FCHSD1: variants seen among roughly 807,000 people sequenced by gnomAD.
FCHSD1 encodes FCH and double SH3 domains 1, also known as F-BAR and double SH3 domains protein 1.
A neutral mutation model predicts 101.3 loss-of-function variants in FCHSD1; 109 were observed. The ratio of observed to expected loss-of-function variants is 1.08; its 90% CI spans 0.92 to 1.26. The LOEUF is 1.26. FCHSD1 is among the 50% of genes most tolerant of loss of function. The probability of loss-of-function intolerance (pLI) is 0.00; values close to 1 mark genes in which losing one functional copy is unlikely to be tolerated. For missense variants in FCHSD1, 820 were observed against 895.8 expected (o/e 0.92, Z 1.08); for synonymous variants, 291 against 356.8 (o/e 0.82, Z 2.08).
Position 141,647,423 on chromosome 5 carries a change from TG to T in FCHSD1, c.802del (p.His268ThrfsTer10). 1 of 1,603,330 alleles carries T rather than the reference TG, an allele frequency of 6.2e-7. No individual in the cohort carries two copies. The highest frequency in any genetic ancestry group is 8.5e-7 in the Non-Finnish European group (1 of 1,174,044). On this transcript the variant is annotated frameshift_variant, in exon 9 of 20. Transcript: ENST00000435817. LOFTEE classifies it high-confidence loss of function. ...CTGGGAGGTTGTCTGCTCCCCGCGG[TG>T]GGCATGCTCCAGGATGACCTCTGCG... ...EAAEVILEHA[H>X]RGEQTTSQVS...
chr5:141,647,172 G>C lies in FCHSD1; in HGVS notation c.887C>G (p.Thr296Ser), dbSNP rs2099907763. Reference protein sequence around the residue: ...FLQEPGVFSPTPPQQFQPAGT... With the variant: ...FLQEPGVFSPSPPQQFQPAGT... ...TGCTGGCTGAAACTGCTGAGGTGGG[G>C]TGGGGGAAAATACACCAGGCTCCTG... is the stretch of plus-strand genomic sequence containing the variant. The change falls in exon 10 of 20, where the codon ACC (threonine) becomes AGC (serine). Residue 296 changes from threonine (T) to serine (S), a missense_variant. By Grantham distance (58) the Thr-to-Ser change is moderately conservative. Transcript: ENST00000435817. 6.2e-7 allele frequency: 1 copy of C among 1,609,858 alleles called. No homozygotes were observed. The highest frequency in any genetic ancestry group is 1.3e-5 in the African/African-American group (1 of 74,862).
Position 141,645,168 on chromosome 5 carries a change from A to C in FCHSD1, c.1312-20T>G. ...CTCAGCCTAGAGGGGCAAAGAACAG[A>C]CCTCATATGGGGCCCACTCTCAAGC... On this transcript the variant is annotated intron_variant, in intron 13 of 19. Transcript: ENST00000435817. 2 of 1,503,568 alleles carry C rather than the reference A, an allele frequency of 1.3e-6. No homozygotes were observed. The highest frequency in any genetic ancestry group is 1.8e-6 in the Non-Finnish European group (2 of 1,118,930). The allele number at this position is 1,503,568 out of a possible 1,614,324, so 93.1% of individuals were successfully genotyped here.
At position 141,649,622 on chromosome 5, in the gene FCHSD1, A is replaced by G. The variant is rs2099908115; in HGVS notation, c.234-86T>C. On this transcript the variant is annotated intron_variant, in intron 4 of 19. Coordinates refer to ENST00000435817, the MANE Select transcript of FCHSD1 (RefSeq NM_033449.3). This position sits in a 1 kb window ranked among gnomAD's most constrained non-coding sequence, Gnocchi z 4.1. ...CACCCCCTGCCCCCTGACCAACACC[A>G]TGGGAGACAGAGTGCTTTCCCATCC... 6.7e-7 allele frequency: 1 copy of G among 1,485,080 alleles called. No individual in the cohort carries two copies. Among genetic ancestry groups the G allele is most frequent in the African/African-American group, 1.4e-5 (1 of 70,926 alleles). The allele number at this position is 1,485,080 out of a possible 1,614,324, so 92.0% of individuals were successfully genotyped here. A position where few individuals can be genotyped will look rare whatever the true frequency, so the allele number is the denominator to read the frequency against.
chr5:141,647,177 G>A lies in FCHSD1; in HGVS notation c.882C>T (p.Ser294=), dbSNP rs1247299545. 6 of 1,610,006 alleles carry A rather than the reference G, an allele frequency of 3.7e-6. No homozygotes were observed. Among genetic ancestry groups the A allele is most frequent in the South Asian group, 1.1e-5 (1 of 89,938 alleles). Residue 294 remains serine, a synonymous_variant, in exon 10 of 20, where the codon TCC becomes TCT. Transcript: ENST00000435817. ...KLFLQEPGVF[S]PTPPQQFQPA... is the part of the protein sequence containing the mutation. ...GCTGAAACTGCTGAGGTGGGGTGGG[G>A]GAAAATACACCAGGCTCCTGAAGAA... is the stretch of plus-strand genomic sequence containing the variant.
At chr5:141,644,120 G>C (rs1406948735) in intron 17 of FCHSD1, 98 bp downstream of exon 17, 2 of 1,182,790 alleles carry the variant, frequency 1.7e-6, no homozygotes, top group South Asian at 1.6e-5. Flanking sequence ...GGTAAAACTG[G>C]GGAGCAGAGG....
intron 1 of FCHSD1, 58 bp downstream of exon 1, chr5:141,651,290 C>G: frequency 6.4e-7 from 1 of 1,551,188 alleles, no homozygotes; most frequent in Admixed American, 2.0e-5. Flanking sequence ...TCGGATGCCC[C>G]CTTAGCTCCC....
At chr5:141,651,308 C>T in intron 1 of FCHSD1, 40 bp downstream of exon 1, 7 of 1,552,152 alleles carry the variant, frequency 4.5e-6, no homozygotes, top group East Asian at 2.4e-5. Context: ...CCCTCCGTTC[C>T]CCCAGCCCGC....
At chr5:141,644,475 G>A (rs757770703) in intron 16 of FCHSD1, 37 bp from the exon 17 acceptor site, 2 of 1,608,832 alleles carry the variant, frequency 1.2e-6, no homozygotes, top group South Asian at 2.2e-5. Flanking sequence ...GAGGGAGGTG[G>A]GTAGCAGTGC....
rs778751942 is a variant in FCHSD1 at position 141,646,588 on chromosome 5, G to GC, written c.1044+14dup. Reference sequence around the variant, plus strand: ...ACAAGAAGGTGCACATGACACCTGTGCCCCCCCACCTCACCCGATGCCCAT... The same window carrying GC: ...ACAAGAAGGTGCACATGACACCTGTGCCCCCCCCACCTCACCCGATGCCCAT... On this transcript the variant is annotated intron_variant, in intron 11 of 19. Coordinates refer to ENST00000435817, the MANE Select transcript of FCHSD1 (RefSeq NM_033449.3). The GC allele has an allele frequency of 5.7e-5, 91 of 1,606,438 alleles. No individual in the cohort carries two copies. Among genetic ancestry groups the GC allele is most frequent in the South Asian group, 5.6e-5 (5 of 89,634 alleles).
intron 18 of FCHSD1, 110 bp from the exon 19 acceptor site, chr5:141,641,867 C>T: frequency 9.3e-7 from 1 of 1,072,804 alleles, no homozygotes; most frequent in Non-Finnish European, 1.4e-6. Flanking sequence ...TAATGGTCAC[C>T]ATCCTAGACC....
In FCHSD1 at chr5:141,644,406, C is replaced by A; in HGVS notation, c.1675G>T (p.Gly559Ter). The A allele has an allele frequency of 6.2e-7, 1 of 1,613,902 alleles. No individual in the cohort carries two copies. The highest frequency in any genetic ancestry group is 8.5e-7 in the Non-Finnish European group (1 of 1,179,856). ...FLAQALYSYT[G>*]QSAEELSFPE... ...AAGCTCAGCTCCTCTGCACTCTGTC[C>A]GGTGTAGCTGTACAGGGCCTGTGCC... Residue 559 changes from glycine (G) to a stop codon, truncating the protein, a stop_gained, in exon 17 of 20, where the codon GGA (glycine) becomes TGA (stop). Transcript: ENST00000435817. LOFTEE classifies it high-confidence loss of function.
At chr5:141,651,239 T>TG in intron 1 of FCHSD1, 109 bp downstream of exon 1, 2 of 1,524,808 alleles carry the variant, frequency 1.3e-6, no homozygotes, top group Non-Finnish European at 1.8e-6. Context: ...ACTTCTGGTT[T>TG]GGGGTCTGAC....
At position 141,640,510 on chromosome 5, in the gene FCHSD1, GCCTTTCGGCTCCCTGA is replaced by G; in HGVS notation, c.*972_*987del. ...CCCATCACCTACTTAAACTATTTAAGCCTTTCGGCTCCCTGAACCCCCCGAGTAAACTGCAGGCTTA... is the reference window on the plus strand; with the variant it reads ...CCCATCACCTACTTAAACTATTTAAGACCCCCCGAGTAAACTGCAGGCTTA... On this transcript the variant is annotated 3_prime_UTR_variant, in exon 20 of 20. Transcript: ENST00000435817. The G allele has an allele frequency of 6.2e-7, 1 of 1,612,876 alleles. No individual in the cohort carries two copies. The highest frequency in any genetic ancestry group is 1.7e-5 in the Admixed American group (1 of 59,864).
chr5:141,644,831 A>G (rs771296495), intron 15 of FCHSD1, 28 bp downstream of exon 15: 3 of 1,611,012 alleles, frequency 1.9e-6, no homozygotes, highest in Non-Finnish European at 2.5e-6. Flanking sequence ...CCCCAACCCA[A>G]GGTCAGAGCC....
Position 141,649,285 on chromosome 5 carries a change from C to A in FCHSD1, c.399G>T (p.Ala133=). The A allele has an allele frequency of 6.2e-7, 1 of 1,613,996 alleles. No individual in the cohort carries two copies. The highest frequency in any genetic ancestry group is 8.5e-7 in the Non-Finnish European group (1 of 1,179,886). ...GGACAGACTGCAGCACCTCAGCCTG[C>A]GCCCTCTGGAGGTTCTCTGTTCCCT... ...LRKGTENLQR[A]QAEVLQSVRE... is the part of the protein sequence containing the mutation. Residue 133 remains alanine, a synonymous_variant, in exon 6 of 20, where the codon GCG becomes GCT. Transcript: ENST00000435817. This position sits in a 1 kb window ranked among gnomAD's most constrained non-coding sequence, Gnocchi z 4.1.
Position 141,644,554 on chromosome 5 carries a change from C to G in FCHSD1, c.1642+19G>C, listed in dbSNP as rs1314649292. ...TCTCCATACCCAGGGTCCTCTAACCCAAAATTTCCCTTTCTTACCTGTGGG... is the reference window on the plus strand; with the variant it reads ...TCTCCATACCCAGGGTCCTCTAACCGAAAATTTCCCTTTCTTACCTGTGGG... On this transcript the variant is annotated intron_variant, in intron 16 of 19. Coordinates refer to ENST00000435817, the MANE Select transcript of FCHSD1 (RefSeq NM_033449.3). 1.2e-6 allele frequency: 2 copies of G among 1,612,956 alleles called. No individual in the cohort carries two copies. The highest frequency in any genetic ancestry group is 1.7e-6 in the Non-Finnish European group (2 of 1,179,062).
intron 2 of FCHSD1, 32 bp from the exon 3 acceptor site, chr5:141,650,436 G>A (rs1334135216): frequency 6.2e-7 from 1 of 1,613,786 alleles, no homozygotes. Flanking sequence ...GGTGAGGTGG[G>A]GGATAAGGTT....
intron 18 of FCHSD1, chr5:141,642,189 G>A: frequency 3.8e-6 from 2 of 532,270 alleles, no homozygotes; most frequent in South Asian, 2.4e-5. Flanking sequence ...ATGAAATCAT[G>A]TCCTCTGCAG....
intron 10 of FCHSD1, 104 bp downstream of exon 10, chr5:141,647,031 C>T (rs770598180): frequency 5.2e-5 from 59 of 1,136,900 alleles, no homozygotes; most frequent in Admixed American, 2.0e-4. Flanking sequence ...CCCCTCTCCA[C>T]GGTGTACACT....
Sources: allele counts gnomAD v4.1 joint callset, GRCh38; gene constraint gnomAD v4.1.1; non-coding constraint Gnocchi (gnomAD v3.1); transcripts MANE v1.5; gene names NCBI Gene and HGNC (gene_info 2026-07-23, HGNC 2026-07-21).